The following CLHC1 variants were observed in gnomAD, a reference collection of about 807,000 sequenced individuals.
CLHC1 encodes the protein clathrin heavy chain linker domain containing 1.
A neutral mutation model predicts 69.5 loss-of-function variants in CLHC1; 72 were observed. The ratio of observed to expected loss-of-function variants is 1.04; its 90% CI spans 0.86 to 1.26. The LOEUF (loss-of-function observed/expected upper bound fraction) is 1.26. Ranked by LOEUF, CLHC1 falls within the 50% of genes most tolerant of loss-of-function variation. CLHC1 has a pLI of 0.00. For synonymous variants in CLHC1, 223 were observed against 224.3 expected, an observed-to-expected ratio of 0.99 and a Z score of 0.05; for missense variants, 790 against 679.3, an observed-to-expected ratio of 1.16 and a Z score of -1.81.
intron 9 of CLHC1, among the ~76,000 whole-genome samples, chr2:55,205,203 T>A (rs755972504): frequency 6.6e-6 from 1 of 152,166 alleles, no homozygotes; most frequent in Non-Finnish European, 1.5e-5. Context: ...GAATACAGTA[T>A]GGAAATTTCT....
chr2:55,196,664 C>T (rs955938905), intron 9 of CLHC1, among the ~76,000 whole-genome samples: 4 of 152,144 alleles, frequency 2.6e-5, no homozygotes, highest in African/African-American at 7.2e-5. Context: ...CTAAACAGCC[C>T]CTTGGGCCCT....
At chr2:55,216,890 G>A (rs1266955866) in intron 4 of CLHC1, among the ~76,000 whole-genome samples, 1 of 152,148 alleles carries the variant, frequency 6.6e-6, no homozygotes. Flanking sequence ...GCTCATGCCT[G>A]TAATCCCAGC....
chr2:55,212,997 T>A (rs1036973354), intron 4 of CLHC1, among the ~76,000 whole-genome samples, 191 bp from the exon 5 acceptor site: 9 of 152,224 alleles, frequency 5.9e-5, no homozygotes, highest in Non-Finnish European at 8.8e-5. Context: ...AATCTCATAC[T>A]ATGATTCTGA....
intron 10 of CLHC1, 62 bp downstream of exon 10, chr2:55,181,508 T>C: frequency 7.9e-7 from 1 of 1,266,276 alleles, no homozygotes; most frequent in East Asian, 2.3e-5. Context: ...ATTAATATTT[T>C]TAGAACAAAC....
At chr2:55,225,530 G>C (rs1199754277) in intron 2 of CLHC1, 1 of 152,232 alleles carries the variant, frequency 6.6e-6, no homozygotes, top group African/African-American at 2.4e-5. Context: ...CTGGCTTACA[G>C]CCTCTCTGTA....
chr2:55,178,380 T>C lies in CLHC1; in HGVS notation c.1385-599A>G, dbSNP rs150415020. Among the ~76,000 whole-genome samples the C allele has an allele frequency of 3.7e-3, 564 of 152,368 alleles. 3 individuals carry two copies. Among genetic ancestry groups the C allele is most frequent in the Middle Eastern group, 0.031 (9 of 294 alleles). On this transcript the variant is annotated intron_variant, in intron 11 of 12. Transcript: ENST00000401408. ...AGAGGTGGAACCATATGAAGTTTCC[T>C]ATATTTGGCCACAAAAAGAACAATT...
intron 9 of CLHC1, among the ~76,000 whole-genome samples, chr2:55,190,504 C>T (rs368484013): frequency 6.6e-6 from 1 of 152,078 alleles, no homozygotes; most frequent in African/African-American, 2.4e-5. Context: ...TTATTTCACA[C>T]TTACGAGGGA....
intron 12 of CLHC1, among the ~76,000 whole-genome samples, chr2:55,177,153 G>T (rs1490011793): frequency 6.6e-6 from 1 of 152,142 alleles, no homozygotes; most frequent in Non-Finnish European, 1.5e-5. Flanking sequence ...GATTACAGGG[G>T]TGAGCCACTG....
At chr2:55,204,750 A>T (rs1251796488) in intron 9 of CLHC1, among the ~76,000 whole-genome samples, 1 of 152,222 alleles carries the variant, frequency 6.6e-6, no homozygotes, top group Non-Finnish European at 1.5e-5. Context: ...CTATTCAGTC[A>T]TAAAAAAGAA....
At chr2:55,190,593 A>G (rs1670833632) in intron 9 of CLHC1, among the ~76,000 whole-genome samples, 1 of 152,200 alleles carries the variant, frequency 6.6e-6, no homozygotes, top group Admixed American at 6.5e-5. Context: ...GATGAAAACT[A>G]CAATGTCTGA....
intron 4 of CLHC1, among the ~76,000 whole-genome samples, chr2:55,213,023 C>T (rs998532079): frequency 1.3e-5 from 2 of 152,244 alleles, no homozygotes; most frequent in East Asian, 1.9e-4. Context: ...ATTGGAAATT[C>T]GTTAAGTGCT....
intron 4 of CLHC1, 39 bp from the exon 5 acceptor site, chr2:55,212,845 C>A: frequency 6.7e-7 from 1 of 1,489,508 alleles, no homozygotes; most frequent in Non-Finnish European, 9.3e-7. Flanking sequence ...TTTCAACTAA[C>A]TTAATTCTTG....
rs750347831 is a variant in CLHC1 at position 55,177,805 on chromosome 2, T to C, written c.1385-24A>G. On this transcript the variant is annotated intron_variant, in intron 11 of 12. Transcript: ENST00000401408. ...ATCTGAAGGCAAAAATGAAAAAGTT[T>C]ATCTCAATGTCCTAATATCATAAAT... The C allele has an allele frequency of 3.2e-6, 5 of 1,547,342 alleles. No individual in the cohort carries two copies. The African/African-American group carries it at 5.5e-5, about 17-fold the overall frequency.
intron 9 of CLHC1, among the ~76,000 whole-genome samples, chr2:55,200,423 AG>A (rs1374099921): frequency 2.0e-5 from 3 of 152,176 alleles, no homozygotes; most frequent in African/African-American, 7.2e-5. Flanking sequence ...AACTATAAAA[AG>A]AGACAAAGAA....
At chr2:55,192,476 T>C (rs1425491796) in intron 9 of CLHC1, among the ~76,000 whole-genome samples, 1 of 152,124 alleles carries the variant, frequency 6.6e-6, no homozygotes, top group African/African-American at 2.4e-5. Context: ...ACTGATCTTA[T>C]ATATGAAGAC....
chr2:55,180,585 T>C lies in CLHC1; in HGVS notation c.1309A>G (p.Ile437Val), dbSNP rs759436711. 5 of 1,614,122 alleles carry C rather than the reference T, an allele frequency of 3.1e-6. No individual in the cohort carries two copies. The highest frequency in any genetic ancestry group is 3.4e-6 in the Non-Finnish European group (4 of 1,179,990). Residue 437 changes from isoleucine to valine, a missense_variant, in exon 11 of 13, where the codon ATT becomes GTT. By Grantham distance (29) the Ile-to-Val change is conservative. Transcript: ENST00000401408. ...TGACCCTGTTTACACAAGCAAAGAATAGCTTTCTTGTGCAGGCCACATTCA... is the reference window on the plus strand; with the variant it reads ...TGACCCTGTTTACACAAGCAAAGAACAGCTTTCTTGTGCAGGCCACATTCA... ...YSECGLHKKA[I>V]LCLCKQGQTH...
At chr2:55,228,438 G>A (rs1273562583) in intron 1 of CLHC1, among the ~76,000 whole-genome samples, 1 of 152,188 alleles carries the variant, frequency 6.6e-6, no homozygotes, top group Non-Finnish European at 1.5e-5. Context: ...TCTACAAAAT[G>A]CCATTGAGTT....
chr2:55,190,170 G>A (rs979651005), intron 9 of CLHC1, among the ~76,000 whole-genome samples: 6 of 151,426 alleles, frequency 4.0e-5, no homozygotes, highest in Non-Finnish European at 7.4e-5. Flanking sequence ...TCAGCCTCCC[G>A]AGTAGCTGGG....
At chr2:55,211,416 G>A (rs968682112) in intron 5 of CLHC1, among the ~76,000 whole-genome samples, 1 of 150,694 alleles carries the variant, frequency 6.6e-6, no homozygotes, top group African/African-American at 2.4e-5. Flanking sequence ...GCAAGAGAAT[G>A]GTGTGAACCC....
Sources: gnomAD v4.1 joint callset for allele counts (sites outside exome capture counted in the v4.1 genomes callset) on GRCh38, gnomAD v4.1.1 for gene constraint, MANE v1.5 for transcripts, NCBI Gene and HGNC (gene_info 2026-07-23, HGNC 2026-07-21) for gene names.